USO1: variants seen among roughly 807,000 people sequenced by gnomAD.
The protein encoded by USO1 is general vesicular transport factor p115.
Under a neutral mutation model 124.5 loss-of-function variants are expected in USO1, and 57 were observed. The ratio of observed to expected loss-of-function variants is 0.46; its 90% CI spans 0.37 to 0.57. USO1 has a LOEUF of 0.57. Ranked by LOEUF, USO1 falls within the 20% of genes least tolerant of loss-of-function variation. The pLI is 0.00. For synonymous variants in USO1, 369 were observed against 362.8 expected (o/e 1.02, Z -0.19); for missense variants, 900 against 1,040.6 (o/e 0.86, Z 1.86).
chr4:75,782,067 C>T (rs1384021703), intron 8 of USO1, among the ~76,000 whole-genome samples: 1 of 152,054 alleles, frequency 6.6e-6, no homozygotes, highest in Admixed American at 6.6e-5. Flanking sequence ...AGATTGAGCA[C>T]CTGCAGAGCT....
In USO1 at chr4:75,812,208, C is replaced by A. The variant is rs771346972; in HGVS notation, c.2632C>A (p.Leu878Met). The A allele has an allele frequency of 5.6e-6, 9 of 1,609,782 alleles. No individual in the cohort carries two copies. Among genetic ancestry groups the A allele is most frequent in the Non-Finnish European group, 7.6e-6 (9 of 1,177,926 alleles). The change falls in exon 23 of 24, where the codon CTG becomes ATG. Residue 878 changes from leucine to methionine, a missense_variant. Transcript: ENST00000514213. ...GGAAAGAACTGCCATTAAAGAGCAG[C>A]TGGATTCATCTAATAGTACCATTGC... ...SEERTAIKEQ[L>M]DSSNSTIAIL...
intron 13 of USO1, chr4:75,795,311 A>C (rs1395594479): frequency 1.4e-6 from 1 of 702,148 alleles, no homozygotes; most frequent in Non-Finnish European, 2.6e-6. Context: ...ATATGTATGA[A>C]TAATTTGTAA....
At chr4:75,809,247 A>G (rs1228679764) in intron 21 of USO1, among the ~76,000 whole-genome samples, 196 bp downstream of exon 21, 2 of 152,200 alleles carry the variant, frequency 1.3e-5, no homozygotes, top group African/African-American at 4.8e-5. Flanking sequence ...AGATTAGTTT[A>G]TTCAGTTACT....
chr4:75,769,484 C>A (rs1721860773), intron 4 of USO1, among the ~76,000 whole-genome samples: 1 of 152,012 alleles, frequency 6.6e-6, no homozygotes, highest in Admixed American at 6.6e-5. Context: ...TGGGTTTTTT[C>A]CCTCACATTT....
At chr4:75,744,040 T>C (rs1721047663) in intron 1 of USO1, among the ~76,000 whole-genome samples, 1 of 152,172 alleles carries the variant, frequency 6.6e-6, no homozygotes, top group Non-Finnish European at 1.5e-5. Context: ...CCTCCCAAAG[T>C]GCTGGGATTA....
intron 13 of USO1, among the ~76,000 whole-genome samples, chr4:75,798,599 A>G (rs1326807224): frequency 1.3e-5 from 2 of 152,218 alleles, no homozygotes; most frequent in Non-Finnish European, 2.9e-5. Context: ...ACTTAATTCA[A>G]TATTAAATAT....
chr4:75,760,655 A>G, intron 4 of USO1: 1 of 397,614 alleles, frequency 2.5e-6, no homozygotes, highest in East Asian at 3.6e-5. Context: ...ATAGTTTCTG[A>G]TAATATAAAA....
intron 8 of USO1, among the ~76,000 whole-genome samples, chr4:75,779,043 T>C (rs1293023781): frequency 6.6e-6 from 1 of 152,182 alleles, no homozygotes; most frequent in Non-Finnish European, 1.5e-5. Context: ...ATATCTGTTA[T>C]GGTGATGTGA....
At chr4:75,725,020 T>G (rs931003214) in intron 1 of USO1, 135 bp downstream of exon 1, 1 of 859,852 alleles carries the variant, frequency 1.2e-6, no homozygotes, top group Admixed American at 2.7e-5. Context: ...CCCTTTGCCC[T>G]CCTTCCGCTC....
intron 9 of USO1, among the ~76,000 whole-genome samples, chr4:75,786,480 G>A (rs1722364211): frequency 1.3e-5 from 2 of 152,184 alleles, no homozygotes; most frequent in South Asian, 4.1e-4. Flanking sequence ...TATTTGAGAT[G>A]ACTTTTTTCA....
intron 4 of USO1, among the ~76,000 whole-genome samples, chr4:75,762,164 CTTTTTT>C (rs375866579): frequency 1.4e-5 from 1 of 70,156 alleles, no homozygotes; most frequent in African/African-American, 5.7e-5. Context: ...AACAATTTTA[CTTTTTT>C]TTTTTTTTTT....
chr4:75,755,407 TATC>T (rs1394548475), intron 3 of USO1: 7 of 516,592 alleles, frequency 1.4e-5, no homozygotes, highest in Non-Finnish European at 2.7e-5. Context: ...CTGAAATGCG[TATC>T]TTCAGTCATT....
intron 1 of USO1, among the ~76,000 whole-genome samples, chr4:75,730,404 T>A (rs1440895850): frequency 6.6e-6 from 1 of 152,174 alleles, no homozygotes; most frequent in Non-Finnish European, 1.5e-5. Context: ...CAGATATTTT[T>A]AAAATGTAGA....
At chr4:75,781,852 A>G (rs1348779644) in intron 8 of USO1, among the ~76,000 whole-genome samples, 6 of 152,190 alleles carry the variant, frequency 3.9e-5, no homozygotes, top group Non-Finnish European at 7.3e-5. Context: ...GTCGTTACGT[A>G]CAGCATCCAG....
At chr4:75,748,550 C>A (rs534732964) in intron 1 of USO1, among the ~76,000 whole-genome samples, 2 of 152,192 alleles carry the variant, frequency 1.3e-5, no homozygotes, top group East Asian at 3.9e-4. Flanking sequence ...TATATTTCTG[C>A]GTTTAGCAAG....
intron 1 of USO1, among the ~76,000 whole-genome samples, chr4:75,734,151 G>A (rs545837427): frequency 1.3e-5 from 2 of 151,976 alleles, no homozygotes; most frequent in South Asian, 2.1e-4. Context: ...TCACCATGTT[G>A]GCCAGGATGG....
chr4:75,777,552 C>A (rs1220858551), intron 8 of USO1, among the ~76,000 whole-genome samples: 1 of 151,988 alleles, frequency 6.6e-6, no homozygotes, highest in East Asian at 1.9e-4. Flanking sequence ...GACATCTCAC[C>A]AAAAAGATAT....
At chr4:75,787,463 G>A (rs1722395434) in intron 10 of USO1, among the ~76,000 whole-genome samples, 2 of 152,096 alleles carry the variant, frequency 1.3e-5, no homozygotes, top group South Asian at 2.1e-4. Context: ...CATTAATTTT[G>A]TTATATTCAA....
At chr4:75,788,750 G>T (rs1291030657) in intron 10 of USO1, among the ~76,000 whole-genome samples, 3 of 151,670 alleles carry the variant, frequency 2.0e-5, no homozygotes, top group Non-Finnish European at 4.4e-5. Context: ...CACCACATTG[G>T]CCAGGCTCTT....
Sources: gnomAD v4.1 joint callset for allele counts (sites outside exome capture counted in the v4.1 genomes callset) on GRCh38, gnomAD v4.1.1 for gene constraint, MANE v1.5 for transcripts, NCBI Gene and HGNC (gene_info 2026-07-23, HGNC 2026-07-21) for gene names.